Variants in ERICH1 observed in about 807,000 individuals in gnomAD.
ERICH1 encodes glutamate-rich protein 1.
ERICH1 carries 56 observed loss-of-function variants against 39.6 expected under a neutral mutation model. That is an observed-to-expected ratio of 1.41 (90% CI 1.14 to 1.77). The LOEUF (loss-of-function observed/expected upper bound fraction) is 1.77. ERICH1 is among the 40% of genes most tolerant of loss of function. The pLI, the probability that ERICH1 is intolerant of heterozygous loss-of-function variation, is 0.00. For synonymous variants in ERICH1, 313 were observed against 223.6 expected (o/e 1.40, Z -3.57); for missense variants, 826 against 575.4 (o/e 1.44, Z -4.45).
At chr8:688,189 C>T (rs963092578) in intron 3 of ERICH1, among the ~76,000 whole-genome samples, 1 of 150,332 alleles carries the variant, frequency 6.7e-6, no homozygotes, top group East Asian at 2.0e-4. Flanking sequence ...GGGCGCAGGA[C>T]ACGGCAAGGC....
intron 1 of ERICH1, among the ~76,000 whole-genome samples, chr8:729,609 A>G (rs1819546478): frequency 6.6e-6 from 1 of 152,128 alleles, no homozygotes; most frequent in East Asian, 1.9e-4. Flanking sequence ...GAAAACTAAT[A>G]TTTTCTTTCC....
intron 2 of ERICH1, among the ~76,000 whole-genome samples, chr8:710,918 T>C (rs1256665775): frequency 6.6e-6 from 1 of 152,132 alleles, no homozygotes; most frequent in African/African-American, 2.4e-5. Context: ...CAGGTAAGAG[T>C]ATGTTCAGTT....
At chr8:683,313 G>A (rs1806553098) in intron 3 of ERICH1, among the ~76,000 whole-genome samples, 1 of 152,086 alleles carries the variant, frequency 6.6e-6, no homozygotes, top group African/African-American at 2.4e-5. Context: ...CAGCAGACAG[G>A]GCTTCAGGGA....
At chr8:714,916 ATC>A (rs1476318601) in intron 2 of ERICH1, among the ~76,000 whole-genome samples, 14 of 151,062 alleles carry the variant, frequency 9.3e-5, no homozygotes, top group African/African-American at 3.2e-4. Context: ...CTCTTCCTGC[ATC>A]TCTCGGTGGG....
chr8:630,756 C>A (rs1271674001), intron 3 of ERICH1, among the ~76,000 whole-genome samples: 102 of 142,468 alleles, frequency 7.2e-4, no homozygotes, highest in Non-Finnish European at 1.1e-3. Context: ...TGACTCACAC[C>A]CTCCCGTGAG....
At chr8:618,149 CCT>C (rs1380185999) in intron 3 of ERICH1, among the ~76,000 whole-genome samples, 1 of 150,504 alleles carries the variant, frequency 6.6e-6, no homozygotes, top group East Asian at 2.0e-4. Context: ...TCCTCACTGC[CCT>C]CTGAGTGCTC....
At chr8:671,256 C>T (rs1803289976) in intron 4 of ERICH1, among the ~76,000 whole-genome samples, 1 of 145,014 alleles carries the variant, frequency 6.9e-6, no homozygotes, top group African/African-American at 2.6e-5. Flanking sequence ...AACCCGCTGG[C>T]CCCTGCTCCG....
At chr8:661,548 T>A (rs1341956957), downstream of ERICH1, among the ~76,000 whole-genome samples, 1 of 152,228 alleles carries the variant, frequency 6.6e-6, no homozygotes. Flanking sequence ...TTAATTGACG[T>A]GGTTTACAGA....
At chr8:641,545 C>G (rs1343003069) in intron 3 of ERICH1, among the ~76,000 whole-genome samples, 1 of 152,254 alleles carries the variant, frequency 6.6e-6, no homozygotes, top group South Asian at 2.1e-4. Flanking sequence ...TCAAAGGTGT[C>G]TCTCATTCCA....
intron 3 of ERICH1, among the ~76,000 whole-genome samples, chr8:652,347 G>T (rs1252556908): frequency 6.6e-6 from 1 of 152,254 alleles, no homozygotes; most frequent in Admixed American, 6.5e-5. Context: ...AGTGGACAGA[G>T]ATAAATGAGA....
Position 731,147 on chromosome 8 carries a change from C to A in ERICH1, c.15G>T (p.Arg5Ser). Residue 5 changes from arginine to serine, a missense_variant, in exon 1 of 6, where the codon AGG becomes AGT. Transcript: ENST00000262109. The part of the protein sequence containing the change: MAAH[R>S]KHVFVEKVLQ... ...CGCACCGCACCCACCTACCGTGCTT[C>A]CTGTGCGCCGCCATGCGGGACCCTG... is the stretch of plus-strand genomic sequence containing the variant. 1 of 1,520,618 alleles carries A rather than the reference C, an allele frequency of 6.6e-7. No individual in the cohort carries two copies. The highest frequency in any genetic ancestry group is 8.8e-7 in the Non-Finnish European group (1 of 1,136,724). The allele number at this position is 1,520,618 out of a possible 1,614,324, so 94.2% of individuals were successfully genotyped here.
intron 3 of ERICH1, among the ~76,000 whole-genome samples, chr8:680,533 C>T (rs1252200430): frequency 1.4e-5 from 2 of 145,890 alleles, no homozygotes; most frequent in Non-Finnish European, 3.0e-5. Context: ...CCCCGGTAAA[C>T]ACGGAAAGTC....
chr8:720,255 A>C (rs999329186), intron 1 of ERICH1, among the ~76,000 whole-genome samples: 3 of 152,216 alleles, frequency 2.0e-5, no homozygotes, highest in African/African-American at 7.2e-5. Context: ...CGAGGTGCCC[A>C]CGAGGAAGGA....
At position 664,221 on chromosome 8, in the gene ERICH1, A is replaced by C; in HGVS notation, c.*382T>G. 1 of 991,560 alleles carries C rather than the reference A, an allele frequency of 1.0e-6. No individual in the cohort carries two copies. The highest frequency in any genetic ancestry group is 1.2e-6 in the Non-Finnish European group (1 of 833,936). 61.4% of individuals were successfully genotyped at this position (991,560 alleles called of 1,614,324 possible). A position where few individuals can be genotyped will look rare whatever the true frequency, so the allele number is the denominator to read the frequency against. Reference sequence around the variant, plus strand: ...AAACTACTTAAACTAGAACATTTTAATACCCAGAAAGCATTCTTAAAGCAG... The same window carrying C: ...AAACTACTTAAACTAGAACATTTTACTACCCAGAAAGCATTCTTAAAGCAG... On this transcript the variant is annotated 3_prime_UTR_variant, in exon 6 of 6. Transcript: ENST00000262109.
At chr8:630,437 A>C (rs55893653) in intron 3 of ERICH1, among the ~76,000 whole-genome samples, 6,543 of 63,708 alleles carry the variant, frequency 0.1, 175 homozygotes, top group Admixed American at 0.13. Context: ...ACAGACAGAG[A>C]TGACTCACAC....
chr8:656,644 C>G (rs1299781580), intron 3 of ERICH1: 1 of 680,274 alleles, frequency 1.5e-6, no homozygotes, highest in East Asian at 1.3e-4. Flanking sequence ...GTCACTCTGA[C>G]AAGTGTGGAA....
At chr8:700,201 CGGCACAGG>C (rs1811618009) in intron 2 of ERICH1, among the ~76,000 whole-genome samples, 2 of 108,092 alleles carry the variant, frequency 1.9e-5, no homozygotes, top group South Asian at 6.6e-4. Context: ...GCGCACAGGC[CGGCACAGG>C]CGCACACACC....
intron 3 of ERICH1, 40 bp downstream of exon 3, chr8:692,438 C>T (rs1392108461): frequency 6.2e-7 from 1 of 1,613,120 alleles, no homozygotes; most frequent in Admixed American, 1.7e-5. Context: ...ACGAGCTTAT[C>T]TGCAAAGATG....
intron 3 of ERICH1, among the ~76,000 whole-genome samples, chr8:625,022 G>C (rs543518485): frequency 6.6e-6 from 1 of 152,080 alleles, no homozygotes; most frequent in Non-Finnish European, 1.5e-5. Context: ...CACTGCACCC[G>C]GCCTACACAC....
Sources: allele counts gnomAD v4.1 joint callset (sites outside exome capture counted in the v4.1 genomes callset), GRCh38; gene constraint gnomAD v4.1.1; transcripts MANE v1.5; gene names NCBI Gene and HGNC (gene_info 2026-07-23, HGNC 2026-07-21).